The following NBAS variants were observed in gnomAD, a reference collection of about 807,000 sequenced individuals.
NBAS encodes NBAS subunit of NRZ tethering complex.
NBAS carries 219 observed loss-of-function variants against 302.5 expected under a neutral mutation model. The observed-to-expected ratio is 0.72, with a 90% CI of 0.65 to 0.81. NBAS has a LOEUF of 0.81. Ranked by LOEUF, NBAS falls within the 30% of genes least tolerant of loss-of-function variation. The pLI is 0.00. For synonymous variants in NBAS, 1,118 were observed against 1,021.6 expected (o/e 1.09, Z -1.80); for missense variants, 2,932 against 2,841.6 (o/e 1.03, Z -0.72).
At chr2:15,105,466 A>C in the NBAS span, among the ~76,000 whole-genome samples, 1 of 151,824 alleles carries the variant, frequency 6.6e-6, no homozygotes, top group Non-Finnish European at 1.5e-5. Context: ...TTACAAAAAA[A>C]AAAAGAAAGA....
intron 40 of NBAS, among the ~76,000 whole-genome samples, chr2:15,302,923 G>A (rs1670870292): frequency 6.6e-6 from 1 of 152,276 alleles, no homozygotes; most frequent in Admixed American, 6.5e-5. Context: ...TCCTGCCCTT[G>A]AACATCAGAC....
chr2:14,842,669 G>T, the NBAS span, among the ~76,000 whole-genome samples: 22 of 151,900 alleles, frequency 1.4e-4, no homozygotes, highest in South Asian at 4.4e-3. Flanking sequence ...AAACCATAAT[G>T]AAAAGTCAAC....
chr2:14,966,043 C>T, the NBAS span, among the ~76,000 whole-genome samples: 11 of 152,064 alleles, frequency 7.2e-5, no homozygotes, highest in South Asian at 8.3e-4. Flanking sequence ...CAAGTGGCAA[C>T]GGAGGCAGAG....
At chr2:14,869,863 T>C in the NBAS span, among the ~76,000 whole-genome samples, 1 of 152,156 alleles carries the variant, frequency 6.6e-6, no homozygotes, top group Admixed American at 6.5e-5. Context: ...TCAGGGTCAG[T>C]CATCACAGCC....
the NBAS span, among the ~76,000 whole-genome samples, chr2:15,133,323 G>A: frequency 3.3e-5 from 5 of 151,830 alleles, no homozygotes; most frequent in Non-Finnish European, 5.9e-5. Context: ...GACATAGCGG[G>A]GGGGGGGCAG....
chr2:15,108,973 G>A, the NBAS span, among the ~76,000 whole-genome samples: 432 of 152,184 alleles, frequency 2.8e-3, 1 homozygote, highest in African/African-American at 9.8e-3. Flanking sequence ...CTGGAACAAG[G>A]AAATAAAGGA....
At chr2:15,034,651 G>C in the NBAS span, among the ~76,000 whole-genome samples, 6 of 152,088 alleles carry the variant, frequency 3.9e-5, no homozygotes, top group Non-Finnish European at 8.8e-5. Context: ...AATAATCAGA[G>C]TATGAACTCT....
At chr2:15,248,937 A>G (rs547056308) in intron 44 of NBAS, among the ~76,000 whole-genome samples, 2 of 152,140 alleles carry the variant, frequency 1.3e-5, no homozygotes, top group Non-Finnish European at 2.9e-5. Context: ...AGAAGAGTGA[A>G]TCCTCCCTAA....
the NBAS span, among the ~76,000 whole-genome samples, chr2:14,827,489 G>A: frequency 6.6e-6 from 1 of 152,150 alleles, no homozygotes; most frequent in Non-Finnish European, 1.5e-5. Flanking sequence ...TCATGAACAT[G>A]AGAGTGCAGG....
chr2:14,809,172 CT>C, the NBAS span, among the ~76,000 whole-genome samples: 1 of 152,200 alleles, frequency 6.6e-6, no homozygotes, highest in African/African-American at 2.4e-5. Flanking sequence ...ATCCGATTTT[CT>C]GAGGAGAAAT....
At chr2:14,864,145 C>T in the NBAS span, among the ~76,000 whole-genome samples, 10 of 151,852 alleles carry the variant, frequency 6.6e-5, no homozygotes, top group East Asian at 1.2e-3. Context: ...GGTGAAACCC[C>T]GTCTCTATTA....
At chr2:14,834,943 C>T in the NBAS span, among the ~76,000 whole-genome samples, 2 of 151,950 alleles carry the variant, frequency 1.3e-5, no homozygotes, top group African/African-American at 4.8e-5. Context: ...AGAAGAGAGG[C>T]TGTGGAAGTG....
the NBAS span, among the ~76,000 whole-genome samples, chr2:14,973,542 T>C: frequency 6.6e-6 from 1 of 152,094 alleles, no homozygotes; most frequent in Admixed American, 6.6e-5. Flanking sequence ...TTAAAGTATA[T>C]CCAAGGCTTT....
At chr2:15,333,730 C>A in intron 35 of NBAS, among the ~76,000 whole-genome samples, 1 of 149,148 alleles carries the variant, frequency 6.7e-6, no homozygotes, top group South Asian at 2.1e-4. Context: ...TCAAGATCAC[C>A]AAGCTGGAAC....
At chr2:14,792,232 A>G in the NBAS span, among the ~76,000 whole-genome samples, 1 of 152,208 alleles carries the variant, frequency 6.6e-6, no homozygotes, top group Non-Finnish European at 1.5e-5. Context: ...CTCGACTTAC[A>G]ATGGGGTTAT....
the NBAS span, among the ~76,000 whole-genome samples, chr2:14,795,827 A>C: frequency 6.6e-6 from 1 of 152,188 alleles, no homozygotes; most frequent in Non-Finnish European, 1.5e-5. Flanking sequence ...TGTAACAGCC[A>C]AAAATATCTG....
intron 48 of NBAS, among the ~76,000 whole-genome samples, chr2:15,209,258 A>G (rs1288272848): frequency 6.6e-6 from 1 of 152,192 alleles, no homozygotes; most frequent in Non-Finnish European, 1.5e-5. Context: ...GAAGAAATCT[A>G]AAACCTGAAC....
chr2:15,011,139 C>T, the NBAS span, among the ~76,000 whole-genome samples: 3 of 152,124 alleles, frequency 2.0e-5, no homozygotes, highest in African/African-American at 7.2e-5. Context: ...ATTTTCTCTT[C>T]CTTTCTTAAT....
At chr2:14,949,438 A>G in the NBAS span, among the ~76,000 whole-genome samples, 3 of 152,216 alleles carry the variant, frequency 2.0e-5, no homozygotes, top group Non-Finnish European at 4.4e-5. Context: ...ATCTCAATAG[A>G]TATTTCTCAA....
Sources: allele counts gnomAD v4.1 joint callset (sites outside exome capture counted in the v4.1 genomes callset), GRCh38; gene constraint gnomAD v4.1.1; transcripts MANE v1.5; gene names NCBI Gene and HGNC (gene_info 2026-07-23, HGNC 2026-07-21).